The following ADAMTSL3 variants were observed in gnomAD, a reference collection of about 807,000 sequenced individuals.
ADAMTSL3 encodes ADAMTS like 3.
In ADAMTSL3, 128 loss-of-function variants were observed where a neutral mutation model predicts 201.7. The observed-to-expected ratio is 0.63, with a 90% confidence interval of 0.55 to 0.73. ADAMTSL3 has a LOEUF of 0.73. Among genes scored for constraint, ADAMTSL3 ranks in the 30% least tolerant of loss-of-function variants. The pLI, the probability that ADAMTSL3 is intolerant of heterozygous loss-of-function variation, is 0.00. For missense variants in ADAMTSL3, 1,990 were observed against 2,119.6 expected (o/e 0.94, Z 1.20); for synonymous variants, 738 against 748.4 (o/e 0.99, Z 0.23).
At chr15:83,745,797 G>A (rs1291068262) in intron 3 of ADAMTSL3, among the ~76,000 whole-genome samples, 1 of 152,228 alleles carries the variant, frequency 6.6e-6, no homozygotes, top group African/African-American at 2.4e-5. Flanking sequence ...TGGTTTATCT[G>A]GTGCCATTGG....
At chr15:83,839,504 G>T (rs891342064) in intron 7 of ADAMTSL3, among the ~76,000 whole-genome samples, 1 of 152,172 alleles carries the variant, frequency 6.6e-6, no homozygotes, top group Non-Finnish European at 1.5e-5. Flanking sequence ...GAGTGATATG[G>T]TTAGGTTAGT....
At chr15:83,697,930 G>A (rs906800344) in intron 2 of ADAMTSL3, among the ~76,000 whole-genome samples, 1 of 152,040 alleles carries the variant, frequency 6.6e-6, no homozygotes. Flanking sequence ...CTATCCAGGG[G>A]TCCACCAAGA....
chr15:83,933,945 C>T (rs2066411955), intron 17 of ADAMTSL3, among the ~76,000 whole-genome samples: 1 of 152,156 alleles, frequency 6.6e-6, no homozygotes, highest in Non-Finnish European at 1.5e-5. Context: ...GATGTCCAGG[C>T]AGAAGTTTGC....
chr15:84,024,967 G>A (rs2068275706), intron 26 of ADAMTSL3, among the ~76,000 whole-genome samples: 1 of 152,012 alleles, frequency 6.6e-6, no homozygotes, highest in African/African-American at 2.4e-5. Flanking sequence ...TACCCTCTAG[G>A]GCCACACAAG....
intron 6 of ADAMTSL3, among the ~76,000 whole-genome samples, chr15:83,826,345 A>C (rs1007854886): frequency 3.3e-5 from 5 of 151,942 alleles, no homozygotes; most frequent in African/African-American, 1.2e-4. Context: ...CTGATCTCCA[A>C]GTCCTGGCTT....
chr15:83,745,812 A>C (rs952649141), intron 3 of ADAMTSL3, among the ~76,000 whole-genome samples: 1 of 152,208 alleles, frequency 6.6e-6, no homozygotes, highest in Non-Finnish European at 1.5e-5. Flanking sequence ...CATTGGGCAA[A>C]ATGTGTTATG....
chr15:83,872,285 C>T (rs62025825), intron 9 of ADAMTSL3, among the ~76,000 whole-genome samples: 32,789 of 151,866 alleles, frequency 0.22, 4,210 homozygotes, highest in Non-Finnish European at 0.28. Context: ...TCGGGTCTGC[C>T]GTGGTCCACA....
chr15:83,747,807 C>A, intron 3 of ADAMTSL3, among the ~76,000 whole-genome samples: 1 of 151,798 alleles, frequency 6.6e-6, no homozygotes, highest in East Asian at 1.9e-4. Flanking sequence ...ACAAAAGGAA[C>A]AGTTTTGCTT....
At position 83,804,678 on chromosome 15, in the gene ADAMTSL3, A is replaced by C; in HGVS notation, c.346A>C (p.Lys116Gln). ...RNCEGQNIRYKTCSNHDCPPD... is the reference protein window; with the variant it reads ...RNCEGQNIRYQTCSNHDCPPD... ...TTGTGAAGGGCAGAACATTCGGTAC[A>C]AGACATGCAGCAATCATGTAAGTCA... Residue 116 changes from lysine (K) to glutamine (Q), a missense_variant, in exon 5 of 30, where the codon AAG becomes CAG. Physicochemically the swap from Lys to Gln is moderately conservative, Grantham distance 53 (BLOSUM62 1). Coordinates refer to ENST00000286744, the MANE Select transcript of ADAMTSL3 (RefSeq NM_207517.3). 2.5e-6 allele frequency: 4 copies of C among 1,586,378 alleles called. No individual in the cohort carries two copies. The highest frequency in any genetic ancestry group is 3.4e-6 in the Non-Finnish European group (4 of 1,168,264).
intron 4 of ADAMTSL3, among the ~76,000 whole-genome samples, chr15:83,777,046 A>T (rs1424863071): frequency 6.6e-6 from 1 of 150,846 alleles, no homozygotes; most frequent in Non-Finnish European, 1.5e-5. Context: ...AGAACAGTGG[A>T]TCCTACCCCA....
intron 10 of ADAMTSL3, among the ~76,000 whole-genome samples, chr15:83,885,793 C>T (rs868103007): frequency 2.6e-5 from 4 of 151,910 alleles, no homozygotes; most frequent in Non-Finnish European, 5.9e-5. Flanking sequence ...GGCCAAATCT[C>T]GGCTCGCTGC....
At chr15:83,963,112 TA>T (rs1403226125) in intron 19 of ADAMTSL3, among the ~76,000 whole-genome samples, 3 of 152,272 alleles carry the variant, frequency 2.0e-5, no homozygotes, top group African/African-American at 7.2e-5. Context: ...GACATCAAGC[TA>T]GCTGCAGGAG....
At chr15:83,939,141 C>T (rs1321595578) in intron 17 of ADAMTSL3, among the ~76,000 whole-genome samples, 1 of 152,086 alleles carries the variant, frequency 6.6e-6, no homozygotes, top group Non-Finnish European at 1.5e-5. Context: ...AGATTGGTCA[C>T]CATGTAACAT....
rs74882999 is a variant in ADAMTSL3 at position 83,656,186 on chromosome 15, G to A, written c.69+356G>A. Among the ~76,000 whole-genome samples, 386 of 152,328 alleles carry A rather than the reference G, an allele frequency of 2.5e-3. 2 individuals carry two copies. The highest frequency in any genetic ancestry group is 8.7e-3 in the African/African-American group (363 of 41,568). On this transcript the variant is annotated intron_variant, in intron 2 of 29. Coordinates refer to ENST00000286744, the MANE Select transcript of ADAMTSL3 (RefSeq NM_207517.3). ...ACCAGGAAACAATGGGCAGAGCCAG[G>A]TTCTGGCCCTAGCTAAGCTGCTAAA...
chr15:83,704,351 T>C (rs1469293693), intron 2 of ADAMTSL3, 38 bp from the exon 3 acceptor site: 1 of 1,613,982 alleles, frequency 6.2e-7, no homozygotes, highest in Admixed American at 1.7e-5. Context: ...GGGTCCTTAC[T>C]GGAGCCTTAT....
At chr15:83,763,558 G>T (rs1254356412) in intron 3 of ADAMTSL3, among the ~76,000 whole-genome samples, 1 of 148,834 alleles carries the variant, frequency 6.7e-6, no homozygotes, top group Non-Finnish European at 1.5e-5. Context: ...AGGCAGGAGT[G>T]CAATGGCACG....
chr15:84,014,440 T>C, intron 23 of ADAMTSL3, 102 bp from the exon 24 acceptor site: 2 of 1,059,662 alleles, frequency 1.9e-6, no homozygotes, highest in Middle Eastern at 2.1e-4. Flanking sequence ...ATTAAACCCA[T>C]ATGCTGACTT....
At chr15:83,860,864 A>G (rs2064840199) in intron 8 of ADAMTSL3, among the ~76,000 whole-genome samples, 1 of 152,190 alleles carries the variant, frequency 6.6e-6, no homozygotes, top group African/African-American at 2.4e-5. Context: ...AAAGCAGGGC[A>G]AGGCATCGCG....
Position 83,831,074 on chromosome 15 carries a change from C to T in ADAMTSL3, c.601-7015C>T, listed in dbSNP as rs114772668. Among the ~76,000 whole-genome samples, 515 of 152,192 alleles carry T rather than the reference C, an allele frequency of 3.4e-3. 2 individuals are homozygous for T. The highest frequency in any genetic ancestry group is 0.012 in the African/African-American group (492 of 41,526). ...GAAACAAAGGGGACAGATTTTTGTG[C>T]CAATGATTTTTGGTGTTCCTTGCTT... is the stretch of plus-strand genomic sequence containing the variant. On this transcript the variant is annotated intron_variant, in intron 6 of 29. Coordinates refer to ENST00000286744, the MANE Select transcript of ADAMTSL3 (RefSeq NM_207517.3).
Sources: gnomAD v4.1 joint callset for allele counts (sites outside exome capture counted in the v4.1 genomes callset) on GRCh38, gnomAD v4.1.1 for gene constraint, MANE v1.5 for transcripts, NCBI Gene and HGNC (gene_info 2026-07-23, HGNC 2026-07-21) for gene names.